The following ADD3 variants were observed in gnomAD, a reference collection of about 807,000 sequenced individuals.
The protein encoded by ADD3 is gamma-adducin.
In ADD3, 25 loss-of-function variants were observed where a neutral mutation model predicts 80.2. That is an observed-to-expected ratio of 0.31 (90% CI 0.23 to 0.44). The LOEUF (loss-of-function observed/expected upper bound fraction) is 0.44. ADD3 is among the 20% of genes least tolerant of loss of function. The probability of loss-of-function intolerance (pLI) is 1.00; values close to 1 mark genes in which losing one functional copy is unlikely to be tolerated. For missense variants in ADD3, 829 were observed against 847.5 expected (o/e 0.98, Z 0.27); for synonymous variants, 284 against 289.6 (o/e 0.98, Z 0.20).
At position 110,134,513 on chromosome 10, in the gene ADD3, G is replaced by A. The variant is rs922772099; in HGVS notation, c.*895G>A. The A allele has an allele frequency of 1.3e-5, 2 of 152,396 alleles. No homozygotes were observed. The highest frequency in any genetic ancestry group is 4.8e-5 in the African/African-American group (2 of 41,414). 9.4% of individuals were successfully genotyped at this position (152,396 alleles called of 1,614,324 possible). On this transcript the variant is annotated 3_prime_UTR_variant, in exon 15 of 15. Transcript: ENST00000356080. ...TTAAAACAGGATTAGAGCATGTAAA[G>A]GTACATCTAGATTCATATTTGAATC...
chr10:110,092,756 T>G (rs895779239), intron 1 of ADD3, among the ~76,000 whole-genome samples: 1 of 152,126 alleles, frequency 6.6e-6, no homozygotes, highest in Non-Finnish European at 1.5e-5. Context: ...TTGTATACTT[T>G]AAATAAATAT....
chr10:110,110,462 G>A (rs966082158), intron 2 of ADD3, among the ~76,000 whole-genome samples: 3 of 152,158 alleles, frequency 2.0e-5, no homozygotes, highest in African/African-American at 7.2e-5. Context: ...AGATGTTTGT[G>A]CAGGCCACCA....
intron 1 of ADD3, among the ~76,000 whole-genome samples, chr10:110,063,330 C>T (rs891192405): frequency 3.3e-5 from 5 of 152,006 alleles, no homozygotes; most frequent in Admixed American, 1.3e-4. Context: ...GGTGGAGAAG[C>T]GGAGTTAAGT....
At chr10:110,017,771 C>CGT (rs1853172354) in intron 1 of ADD3, among the ~76,000 whole-genome samples, 1 of 152,086 alleles carries the variant, frequency 6.6e-6, no homozygotes, top group South Asian at 2.1e-4. Flanking sequence ...CCATACCTTA[C>CGT]GTGTATGTAC....
intron 2 of ADD3, 129 bp from the exon 3 acceptor site, chr10:110,112,648 A>AT: frequency 9.2e-7 from 1 of 1,082,484 alleles, no homozygotes; most frequent in Non-Finnish European, 1.3e-6. Flanking sequence ...TGTGTTTTAT[A>AT]TTTGTTTTTA....
In ADD3 at chr10:110,134,477, G is replaced by T. The variant is rs976847243; in HGVS notation, c.*859G>T. ...TACTTAAATATAACTCCAGAATCCA[G>T]GGACTTGGTGTTAAAACAGGATTAG... On this transcript the variant is annotated 3_prime_UTR_variant, in exon 15 of 15. Coordinates refer to ENST00000356080, the MANE Select transcript of ADD3 (RefSeq NM_016824.5). 6.6e-6 allele frequency: 1 copy of T among 152,530 alleles called. No individual in the cohort carries two copies. Among genetic ancestry groups the T allele is most frequent in the Non-Finnish European group, 1.5e-5 (1 of 68,020 alleles). The allele number at this position is 152,530 out of a possible 1,614,324, so 9.4% of individuals were successfully genotyped here. A position where few individuals can be genotyped will look rare whatever the true frequency, so the allele number is the denominator to read the frequency against.
In ADD3 at chr10:110,119,530, A is replaced by G; in HGVS notation, c.926A>G (p.Tyr309Cys). The change falls in exon 8 of 15, where the codon TAT (tyrosine) becomes TGT (cysteine). Residue 309 changes from tyrosine (Y) to cysteine (C), a missense_variant. Physicochemically the swap from Tyr to Cys is radical, Grantham distance 194. Coordinates refer to ENST00000356080, the MANE Select transcript of ADD3 (RefSeq NM_016824.5). ...GAAACATTAGAGGAGGCTTTTCATTATATTTTTAATGTGCAACTAGCCTGT... is the reference window on the plus strand; with the variant it reads ...GAAACATTAGAGGAGGCTTTTCATTGTATTTTTAATGTGCAACTAGCCTGT... The part of the protein sequence containing the change: ...LGETLEEAFH[Y>C]IFNVQLACEI... 1 of 1,614,108 alleles carries G rather than the reference A, an allele frequency of 6.2e-7. No individual in the cohort carries two copies. The highest frequency in any genetic ancestry group is 2.2e-5 in the East Asian group (1 of 44,868).
At position 110,130,441 on chromosome 10, in the gene ADD3, G is replaced by A. The variant is rs762627934; in HGVS notation, c.1687G>A (p.Glu563Lys). ...TAGTCATCTCACAGAAGGAGAACTT[G>A]AAGAGTATAAGAGGACAATCGAACG... ...PFSHLTEGEL[E>K]EYKRTIERKQ... Residue 563 changes from glutamate (E) to lysine (K), a missense_variant, in exon 13 of 15, where the codon GAA (glutamate) becomes AAA (lysine). Physicochemically the swap from Glu to Lys is moderately conservative, Grantham distance 56 (BLOSUM62 1). Coordinates refer to ENST00000356080, the MANE Select transcript of ADD3 (RefSeq NM_016824.5). The A allele has an allele frequency of 1.2e-6, 2 of 1,614,084 alleles. No homozygotes were observed. The highest frequency in any genetic ancestry group is 1.7e-6 in the Non-Finnish European group (2 of 1,179,958).
intron 1 of ADD3, among the ~76,000 whole-genome samples, chr10:110,031,788 A>T (rs371925297): frequency 1.3e-5 from 2 of 152,024 alleles, no homozygotes; most frequent in African/African-American, 4.8e-5. Flanking sequence ...CAAAAGTTAC[A>T]TGTATGTATT....
At chr10:110,043,124 T>C (rs1441786698) in intron 1 of ADD3, among the ~76,000 whole-genome samples, 1 of 152,236 alleles carries the variant, frequency 6.6e-6, no homozygotes, top group East Asian at 1.9e-4. Flanking sequence ...GTAATTTTGT[T>C]TGTGTTTCAA....
chr10:110,078,844 C>T (rs919714763), intron 1 of ADD3, among the ~76,000 whole-genome samples: 3 of 152,166 alleles, frequency 2.0e-5, no homozygotes, highest in Non-Finnish European at 4.4e-5. Flanking sequence ...TCGACTTTTA[C>T]AGTTATGCTG....
At chr10:110,099,664 T>C (rs1474909282) in intron 1 of ADD3, among the ~76,000 whole-genome samples, 1 of 152,230 alleles carries the variant, frequency 6.6e-6, no homozygotes, top group Non-Finnish European at 1.5e-5. Flanking sequence ...TTTCATCTAT[T>C]TGTGTCTTGA....
chr10:109,999,719 CATT>C (rs1386278625), intron 1 of ADD3, among the ~76,000 whole-genome samples: 1 of 152,228 alleles, frequency 6.6e-6, no homozygotes, highest in African/African-American at 2.4e-5. Flanking sequence ...TTATTTTCCT[CATT>C]ATTAATAAAA....
chr10:110,114,441 A>G (rs1850438085), intron 3 of ADD3, among the ~76,000 whole-genome samples: 1 of 152,250 alleles, frequency 6.6e-6, no homozygotes, highest in African/African-American at 2.4e-5. Context: ...CAATGGCTTT[A>G]TGCATAATGA....
intron 1 of ADD3, among the ~76,000 whole-genome samples, chr10:110,093,096 T>C (rs1847752348): frequency 6.6e-6 from 1 of 152,204 alleles, no homozygotes; most frequent in African/African-American, 2.4e-5. Context: ...TGACCTCAAG[T>C]AATCCGCCCA....
chr10:110,092,528 T>C (rs2183483), intron 1 of ADD3, among the ~76,000 whole-genome samples: 9,996 of 152,042 alleles, frequency 0.066, 564 homozygotes, highest in African/African-American at 0.15. Context: ...TGAATACACA[T>C]GGACACAAAG....
intron 1 of ADD3, among the ~76,000 whole-genome samples, chr10:110,070,777 C>T (rs1844582388): frequency 6.6e-6 from 1 of 151,954 alleles, no homozygotes; most frequent in South Asian, 2.1e-4. Flanking sequence ...CCAAACTTGT[C>T]TCTCGCCCTG....
At chr10:110,003,299 A>C, upstream of ADD3, among the ~76,000 whole-genome samples, 1 of 92,856 alleles carries the variant, frequency 1.1e-5, no homozygotes, top group African/African-American at 8.4e-5. Flanking sequence ...TGGGAACAGT[A>C]AGGGTGTGTG....
At chr10:110,097,431 A>G (rs967788577) in intron 1 of ADD3, among the ~76,000 whole-genome samples, 1 of 152,132 alleles carries the variant, frequency 6.6e-6, no homozygotes, top group Non-Finnish European at 1.5e-5. Context: ...ATGTTTATGT[A>G]TATATTTTGG....
Sources: allele counts gnomAD v4.1 joint callset (sites outside exome capture counted in the v4.1 genomes callset), GRCh38; gene constraint gnomAD v4.1.1; transcripts MANE v1.5; gene names NCBI Gene and HGNC (gene_info 2026-07-23, HGNC 2026-07-21).